The following PAFAH2 variants were observed in gnomAD, a reference collection of about 807,000 sequenced individuals.
PAFAH2 encodes the protein platelet activating factor acetylhydrolase 2, also known as platelet-activating factor acetylhydrolase 2, cytoplasmic.
A neutral mutation model predicts 49.0 loss-of-function variants in PAFAH2; 42 were observed. That is an observed-to-expected ratio of 0.86 (90% CI 0.67 to 1.11). The LOEUF is 1.11. Ranked by LOEUF, PAFAH2 falls within the 50% of genes least tolerant of loss-of-function variation. PAFAH2 has a pLI of 0.00. For missense variants in PAFAH2, 503 were observed against 501.8 expected (o/e 1.00, Z -0.02); for synonymous variants, 184 against 181.3 (o/e 1.01, Z -0.12).
At chr1:25,972,236 T>C (rs2049518993) in intron 10 of PAFAH2, among the ~76,000 whole-genome samples, 1 of 151,710 alleles carries the variant, frequency 6.6e-6, no homozygotes, top group Admixed American at 6.6e-5. Flanking sequence ...GCTGGGACTA[T>C]AGGTGTGTGC....
chr1:25,963,718 G>A (rs1360387725), intron 10 of PAFAH2, among the ~76,000 whole-genome samples: 1 of 152,196 alleles, frequency 6.6e-6, no homozygotes, highest in Non-Finnish European at 1.5e-5. Flanking sequence ...GGCCAGGACG[G>A]TCTCGATCTC....
intron 4 of PAFAH2, among the ~76,000 whole-genome samples, chr1:25,986,913 T>C (rs1018287703): frequency 6.6e-6 from 1 of 152,094 alleles, no homozygotes; most frequent in East Asian, 1.9e-4. Context: ...GGGCACTGCT[T>C]TGAGTGCTGG....
chr1:25,985,827 C>T (rs1269774516), intron 4 of PAFAH2, among the ~76,000 whole-genome samples: 1 of 152,250 alleles, frequency 6.6e-6, no homozygotes, highest in African/African-American at 2.4e-5. Context: ...TATGTTCCTG[C>T]TCCTCTAGCA....
At chr1:25,963,041 C>A (rs994671114) in intron 10 of PAFAH2, among the ~76,000 whole-genome samples, 1 of 152,084 alleles carries the variant, frequency 6.6e-6, no homozygotes, top group East Asian at 1.9e-4. Flanking sequence ...GGTAACTACA[C>A]GGCAAGAACA....
chr1:25,974,249 G>A (rs865818392), intron 9 of PAFAH2, among the ~76,000 whole-genome samples: 17 of 152,216 alleles, frequency 1.1e-4, no homozygotes, highest in Middle Eastern at 3.4e-3. Flanking sequence ...AAAGTACTAG[G>A]TAAATCCTGT....
intron 10 of PAFAH2, chr1:25,964,131 G>A (rs2049384403): frequency 6.6e-6 from 1 of 152,176 alleles, no homozygotes. Context: ...GAGCAGAAGA[G>A]TGAGAAGATC....
In PAFAH2 at chr1:25,978,020, TA is replaced by T. The variant is rs367704078; in HGVS notation, c.667-1248del. On this transcript the variant is annotated intron_variant, in intron 7 of 10. Transcript: ENST00000374282. ...CAGAAGCCTTCAGGGTATGGTTATA[TA>T]AAAAGCCACTGCAGCTGCTTGCTAA... Among the ~76,000 whole-genome samples, 110 of 152,280 alleles carry T rather than the reference TA, an allele frequency of 7.2e-4. No individual in the cohort carries two copies. The East Asian group carries it at 0.019, about 26-fold the overall frequency.
intron 3 of PAFAH2, 87 bp from the exon 4 acceptor site, chr1:25,988,414 T>C (rs927571880): frequency 8.6e-6 from 8 of 927,168 alleles, no homozygotes; most frequent in African/African-American, 1.7e-5. Context: ...GGTGGGGACA[T>C]GTGTTTCTCC....
At position 25,961,896 on chromosome 1, in the gene PAFAH2, G is replaced by T; in HGVS notation, c.*93C>A. 1 of 814,060 alleles carries T rather than the reference G, an allele frequency of 1.2e-6. No individual in the cohort carries two copies. Among genetic ancestry groups the T allele is most frequent in the Non-Finnish European group, 2.1e-6 (1 of 484,026 alleles). The allele number at this position is 814,060 out of a possible 1,614,324, so 50.4% of individuals were successfully genotyped here. A position where few individuals can be genotyped will look rare whatever the true frequency, so the allele number is the denominator to read the frequency against. On this transcript the variant is annotated 3_prime_UTR_variant, in exon 11 of 11. Coordinates refer to ENST00000374282, the MANE Select transcript of PAFAH2 (RefSeq NM_000437.4). ...CTTTCAATCTGTGAAAAGGGGTCACGTTGATCACTTCTTGATAGGAGCTCA... is the reference window on the plus strand; with the variant it reads ...CTTTCAATCTGTGAAAAGGGGTCACTTTGATCACTTCTTGATAGGAGCTCA...
At position 25,968,349 on chromosome 1, in the gene PAFAH2, T is replaced by C. The variant is rs553798183; in HGVS notation, c.1084+4209A>G. On this transcript the variant is annotated intron_variant, in intron 10 of 10. Transcript: ENST00000374282. ...CACAGGAAGGTGGGGAGAGGTGGTG[T>C]TGGGAGTCTGAGGAAGTGCTGGTTG... Among the ~76,000 whole-genome samples, 9 of 151,788 alleles carry C rather than the reference T, an allele frequency of 5.9e-5. No homozygotes were observed. In the East Asian group the frequency reaches 1.7e-3, roughly 29 times the overall value.
chr1:25,990,224 A>G (rs2124366616), intron 2 of PAFAH2, among the ~76,000 whole-genome samples: 1 of 152,268 alleles, frequency 6.6e-6, no homozygotes, highest in Non-Finnish European at 1.5e-5. Context: ...CAACATAGCA[A>G]GGCCTCGTCT....
chr1:25,992,045 G>A (rs2049883353), intron 1 of PAFAH2, among the ~76,000 whole-genome samples: 1 of 152,150 alleles, frequency 6.6e-6, no homozygotes, highest in African/African-American at 2.4e-5. Context: ...CCTGCTCAGG[G>A]GGAGATTCAG....
intron 8 of PAFAH2, 117 bp from the exon 9 acceptor site, chr1:25,974,767 GA>G: frequency 1.1e-6 from 1 of 913,998 alleles, no homozygotes; most frequent in Non-Finnish European, 1.6e-6. Flanking sequence ...AGAAAGCCAG[GA>G]GGGGGGTACC....
intron 6 of PAFAH2, among the ~76,000 whole-genome samples, chr1:25,983,613 A>C (rs573714076): frequency 2.8e-4 from 43 of 152,076 alleles, no homozygotes; most frequent in Non-Finnish European, 5.0e-4. Flanking sequence ...GCCAGTTTGA[A>C]GATGAGACCC....
At chr1:25,966,041 G>A (rs562745996) in intron 10 of PAFAH2, among the ~76,000 whole-genome samples, 8 of 151,702 alleles carry the variant, frequency 5.3e-5, no homozygotes, top group South Asian at 2.1e-4. Flanking sequence ...ATCACTAACC[G>A]TCAGAGAAAT....
At chr1:25,991,789 A>G (rs2049880128) in intron 1 of PAFAH2, among the ~76,000 whole-genome samples, 1 of 152,028 alleles carries the variant, frequency 6.6e-6, no homozygotes, top group Admixed American at 6.5e-5. Context: ...GCTACTCAGG[A>G]AGCTGAGGCA....
chr1:25,988,664 G>A (rs930159068), intron 3 of PAFAH2, among the ~76,000 whole-genome samples: 3 of 151,820 alleles, frequency 2.0e-5, no homozygotes, highest in Admixed American at 6.6e-5. Flanking sequence ...TTAGCTGGGC[G>A]TGGTGGCGGG....
rs368549102 is a variant in PAFAH2 at position 25,989,503 on chromosome 1, G to A, written c.189C>T (p.Ala63=). 9 of 1,611,890 alleles carry A rather than the reference G, an allele frequency of 5.6e-6. No individual in the cohort carries two copies. Among genetic ancestry groups the A allele is most frequent in the East Asian group, 2.2e-5 (1 of 44,762 alleles). Residue 63 remains alanine, a synonymous_variant, in exon 3 of 11, where the codon GCC becomes GCT. Transcript: ENST00000374282. ...AGCGCTTATTAAACTGCAGGTACTCGGCCAGGCCAGTGCAGTACTCATAGC... is the reference window on the plus strand; with the variant it reads ...AGCGCTTATTAAACTGCAGGTACTCAGCCAGGCCAGTGCAGTACTCATAGC... ...IPRYEYCTGL[A]EYLQFNKRCG... is the part of the protein sequence containing the mutation.
intron 7 of PAFAH2, among the ~76,000 whole-genome samples, chr1:25,980,955 C>T (rs1488668322): frequency 2.6e-5 from 4 of 151,710 alleles, no homozygotes; most frequent in Non-Finnish European, 5.9e-5. Flanking sequence ...ATCACTGTAC[C>T]TCAGCCTGGG....
Sources: gnomAD v4.1 joint callset for allele counts (sites outside exome capture counted in the v4.1 genomes callset) on GRCh38, gnomAD v4.1.1 for gene constraint, MANE v1.5 for transcripts, NCBI Gene and HGNC (gene_info 2026-07-23, HGNC 2026-07-21) for gene names.